The following UBR1 variants were observed in gnomAD, a reference collection of about 807,000 sequenced individuals.
The protein encoded by UBR1 is E3 ubiquitin-protein ligase UBR1.
A neutral mutation model predicts 242.1 loss-of-function variants in UBR1; 102 were observed. That is an observed-to-expected ratio of 0.42 (90% confidence interval 0.36 to 0.50). The LOEUF (loss-of-function observed/expected upper bound fraction) is 0.50, where lower values mean the gene tolerates loss of function less well. Ranked by LOEUF, UBR1 falls within the 20% of genes least tolerant of loss-of-function variation. The pLI, the probability that UBR1 is intolerant of heterozygous loss-of-function variation, is 0.01. For missense variants in UBR1, 1,772 were observed against 2,101.8 expected, an observed-to-expected ratio of 0.84 and a Z score of 3.07; for synonymous variants, 675 against 684.8, an observed-to-expected ratio of 0.99 and a Z score of 0.22.
chr15:43,017,134 T>C lies in UBR1; in HGVS notation c.2988A>G (p.Val996=), dbSNP rs892379078. ...TAGATTCCGATCCTGATGTGGTTGC[T>C]ACAATTAAACAAGATTTTTCTCTTA... ...KRLREKSCLI[V]ATTSGSESIK... The change falls in exon 28 of 47, where the codon GTA becomes GTG. Residue 996 remains valine (V), a synonymous_variant. Transcript: ENST00000290650. 1 of 1,613,878 alleles carries C rather than the reference T, an allele frequency of 6.2e-7. No homozygotes were observed. Among genetic ancestry groups the C allele is most frequent in the Non-Finnish European group, 8.5e-7 (1 of 1,179,934 alleles).
rs1158917125 is a variant in UBR1, at chr15:42,998,163, C to T, written c.3757+5G>A. 2 of 1,609,392 alleles carry T rather than the reference C, an allele frequency of 1.2e-6. No homozygotes were observed. The highest frequency in any genetic ancestry group is 1.1e-5 in the South Asian group (1 of 90,712). On this transcript the variant is annotated splice_donor_5th_base_variant and intron_variant, in intron 33 of 46. Transcript: ENST00000290650. ...ATAGCTAATATAAAATAAATTTAAG[C>T]AAACCTTTAGCATGTCTTATATTAT...
intron 11 of UBR1, among the ~76,000 whole-genome samples, chr15:43,055,536 C>T (rs1211019277): frequency 6.6e-6 from 1 of 152,180 alleles, no homozygotes; most frequent in Non-Finnish European, 1.5e-5. Context: ...CTCCTTACCC[C>T]AATCTAAACT....
At chr15:42,998,058 A>G (rs576227620) in intron 33 of UBR1, 110 bp downstream of exon 33, 22 of 965,778 alleles carry the variant, frequency 2.3e-5, no homozygotes, top group Non-Finnish European at 3.4e-5. Flanking sequence ...ATTTCCTGAT[A>G]TTCAAGAAAT....
chr15:43,065,000 G>T (rs371719509), intron 6 of UBR1, among the ~76,000 whole-genome samples: 3 of 152,234 alleles, frequency 2.0e-5, no homozygotes, highest in South Asian at 4.1e-4. Context: ...AACGTTTTCT[G>T]AATGAGACAG....
chr15:42,960,244 G>C (rs1040694657), intron 43 of UBR1, among the ~76,000 whole-genome samples: 1 of 152,088 alleles, frequency 6.6e-6, no homozygotes, highest in Non-Finnish European at 1.5e-5. Flanking sequence ...GAAGGAAAAA[G>C]GATATAGTTC....
chr15:43,044,030 T>A (rs1176645816), intron 14 of UBR1, among the ~76,000 whole-genome samples: 1 of 152,030 alleles, frequency 6.6e-6, no homozygotes, highest in Non-Finnish European at 1.5e-5. Flanking sequence ...TGGGGAAAGA[T>A]AAGGAGAAGA....
intron 32 of UBR1, among the ~76,000 whole-genome samples, chr15:42,999,531 A>G (rs2032691883): frequency 6.6e-6 from 1 of 152,136 alleles, no homozygotes; most frequent in South Asian, 2.1e-4. Flanking sequence ...ACAGACTGTT[A>G]TTAAGAACAA....
chr15:43,026,857 A>G (rs556044187), intron 22 of UBR1, among the ~76,000 whole-genome samples, 194 bp from the exon 23 acceptor site: 33 of 152,320 alleles, frequency 2.2e-4, no homozygotes, highest in African/African-American at 7.0e-4. Context: ...ATAACAGCTA[A>G]GCTGTGTTTT....
At chr15:43,092,626 T>C (rs1344458792) in intron 1 of UBR1, among the ~76,000 whole-genome samples, 1 of 152,198 alleles carries the variant, frequency 6.6e-6, no homozygotes, top group Non-Finnish European at 1.5e-5. Flanking sequence ...CGATCTCGGC[T>C]CACTGCAACC....
At chr15:42,958,827 CAAT>C (rs1478502250) in intron 43 of UBR1, among the ~76,000 whole-genome samples, 1 of 152,084 alleles carries the variant, frequency 6.6e-6, no homozygotes, top group African/African-American at 2.4e-5. Flanking sequence ...ACCAATCAAC[CAAT>C]TTATTGATTT....
intron 44 of UBR1, among the ~76,000 whole-genome samples, chr15:42,953,034 C>G (rs2031860857): frequency 6.6e-6 from 1 of 152,086 alleles, no homozygotes; most frequent in Admixed American, 6.6e-5. Context: ...AGCAATTCTC[C>G]TGCCTCAGCC....
At chr15:43,082,534 C>T (rs1422021962) in intron 3 of UBR1, 104 bp downstream of exon 3, 3 of 860,338 alleles carry the variant, frequency 3.5e-6, no homozygotes, top group Non-Finnish European at 5.8e-6. Context: ...GCTATGTTCA[C>T]ATATCAGAGC....
chr15:43,032,983 T>C (rs1044581572), intron 19 of UBR1, among the ~76,000 whole-genome samples: 3 of 152,206 alleles, frequency 2.0e-5, no homozygotes, highest in African/African-American at 7.2e-5. Context: ...AACAGTTATA[T>C]GGTGAGAGTA....
intron 1 of UBR1, among the ~76,000 whole-genome samples, chr15:43,096,831 T>A (rs1347261575): frequency 6.6e-6 from 1 of 152,162 alleles, no homozygotes; most frequent in Admixed American, 6.5e-5. Flanking sequence ...CTACCACATC[T>A]GCAGTTACTT....
At chr15:43,032,727 G>T (rs1289713222) in intron 19 of UBR1, 96 bp from the exon 20 acceptor site, 38 of 745,746 alleles carry the variant, frequency 5.1e-5, no homozygotes, top group Non-Finnish European at 8.0e-5. Context: ...ATCCAGCCTA[G>T]TATTTTTCAT....
At position 42,984,871 on chromosome 15, in the gene UBR1, G is replaced by A; in HGVS notation, c.4053+16C>T. 1 of 1,605,672 alleles carries A rather than the reference G, an allele frequency of 6.2e-7. No individual in the cohort carries two copies. Among genetic ancestry groups the A allele is most frequent in the Non-Finnish European group, 8.5e-7 (1 of 1,173,092 alleles). On this transcript the variant is annotated intron_variant, in intron 36 of 46. Coordinates refer to ENST00000290650, the MANE Select transcript of UBR1 (RefSeq NM_174916.3). ...GCATGCCATGAGTTACATGTACCTT[G>A]TTGGAATATACATACCTGCCTATTT... is the stretch of plus-strand genomic sequence containing the variant.
chr15:43,072,693 G>A (rs1016226800), intron 4 of UBR1, among the ~76,000 whole-genome samples: 3 of 152,166 alleles, frequency 2.0e-5, no homozygotes, highest in Non-Finnish European at 2.9e-5. Flanking sequence ...GGTTGAGGAA[G>A]TTCCCTTCTA....
chr15:43,003,729 AAAT>A, intron 31 of UBR1, 105 bp downstream of exon 31: 1 of 1,020,434 alleles, frequency 9.8e-7, no homozygotes, highest in Non-Finnish European at 1.5e-6. Context: ...TCAATTATTC[AAAT>A]AAGAAGAAAG....
chr15:42,990,229 T>G lies in UBR1; in HGVS notation c.3758-109A>C, dbSNP rs921211627. Reference sequence around the variant, plus strand: ...TTTGACAGTCTCACTCTGTCACCCATGCTGGAGCACAGTGGCATGATCATC... The same window carrying G: ...TTTGACAGTCTCACTCTGTCACCCAGGCTGGAGCACAGTGGCATGATCATC... On this transcript the variant is annotated intron_variant, in intron 33 of 46. Transcript: ENST00000290650. The G allele has an allele frequency of 6.2e-6, 5 of 809,186 alleles. No homozygotes were observed. The African/African-American group carries it at 6.9e-5, about 11-fold the overall frequency. 50.1% of individuals were successfully genotyped at this position (809,186 alleles called of 1,614,324 possible).
Sources: allele counts gnomAD v4.1 joint callset (sites outside exome capture counted in the v4.1 genomes callset), GRCh38; gene constraint gnomAD v4.1.1; transcripts MANE v1.5; gene names NCBI Gene and HGNC (gene_info 2026-07-23, HGNC 2026-07-21).